Variants in KLRD1 observed in about 807,000 individuals in gnomAD.
KLRD1 encodes killer cell lectin like receptor D1.
In KLRD1, 21 loss-of-function variants were observed where a neutral mutation model predicts 22.6. The observed-to-expected ratio is 0.93, with a 90% CI of 0.66 to 1.34. The LOEUF (loss-of-function observed/expected upper bound fraction) is 1.34, where lower values mean the gene tolerates loss of function less well. Ranked by LOEUF, KLRD1 falls within the 40% of genes most tolerant of loss-of-function variation. The probability of loss-of-function intolerance (pLI) is 0.00; values close to 1 mark genes in which losing one functional copy is unlikely to be tolerated. For synonymous variants in KLRD1, 59 were observed against 71.1 expected, an observed-to-expected ratio of 0.83 and a Z score of 0.85; for missense variants, 183 against 208.6, an observed-to-expected ratio of 0.88 and a Z score of 0.76.
intron 1 of KLRD1, among the ~76,000 whole-genome samples, chr12:10,248,278 C>T (rs1313750326): frequency 6.6e-6 from 1 of 151,712 alleles, no homozygotes; most frequent in Non-Finnish European, 1.5e-5. Context: ...AAGAAATCAC[C>T]ATCAAAAAAC....
At chr12:10,284,739 C>T (rs1949683488) in intron 1 of KLRD1, among the ~76,000 whole-genome samples, 1 of 152,122 alleles carries the variant, frequency 6.6e-6, no homozygotes, top group African/African-American at 2.4e-5. Flanking sequence ...AATCCCAGCA[C>T]TTTGGGAGGC....
chr12:10,311,458 T>C lies in KLRD1; in HGVS notation c.164-6T>C. On this transcript the variant is annotated splice_region_variant and splice_polypyrimidine_tract_variant and intron_variant, in intron 3 of 5. Transcript: ENST00000336164. ...GTCATTAGTCATGCTTTATGTTTTC[T>C]GTCAGACTCTGACTGCTGTTCTTGC... is the stretch of plus-strand genomic sequence containing the variant. 1 of 1,611,014 alleles carries C rather than the reference T, an allele frequency of 6.2e-7. No homozygotes were observed. The highest frequency in any genetic ancestry group is 1.7e-4 in the Middle Eastern group (1 of 6,046).
rs566563558 is a variant in KLRD1, at chr12:10,273,874, T to A, written c.-100-34104T>A. Among the ~76,000 whole-genome samples the A allele has an allele frequency of 5.3e-5, 8 of 152,148 alleles. No homozygotes were observed. In the South Asian group the frequency reaches 1.7e-3, roughly 32 times the overall value. ...AGATGTAAGATCAGGCAAGGACAAG[T>A]AGAAAGCATAAATTTATGTAAATTA... On this transcript the variant is annotated intron_variant, in intron 1 of 5. Transcript: ENST00000544747.
chr12:10,275,024 G>C (rs1949580582), intron 1 of KLRD1, among the ~76,000 whole-genome samples: 1 of 152,016 alleles, frequency 6.6e-6, no homozygotes, highest in South Asian at 2.1e-4. Flanking sequence ...TGAGTAGCTG[G>C]GATTACAGGC....
In KLRD1 at chr12:10,315,571, G is replaced by A. The variant is rs1304905939; in HGVS notation, c.*778G>A. ...ATTGCACTTTCTGGAGATTTGTAAT[G>A]TTTTGGTTTTGTTGTCCATGTGACT... On this transcript the variant is annotated 3_prime_UTR_variant, in exon 6 of 6. Coordinates refer to ENST00000336164, the MANE Select transcript of KLRD1 (RefSeq NM_002262.5). The A allele has an allele frequency of 6.5e-6, 1 of 153,912 alleles. No individual in the cohort carries two copies. Among genetic ancestry groups the A allele is most frequent in the Non-Finnish European group, 1.4e-5 (1 of 69,156 alleles). 9.5% of individuals were successfully genotyped at this position (153,912 alleles called of 1,614,324 possible). A position where few individuals can be genotyped will look rare whatever the true frequency, so the allele number is the denominator to read the frequency against.
chr12:10,290,844 C>T (rs367805872), intron 1 of KLRD1, among the ~76,000 whole-genome samples: 1 of 151,216 alleles, frequency 6.6e-6, no homozygotes, highest in East Asian at 1.9e-4. Context: ...TATATATATA[C>T]ACAAATACAC....
rs117994006 is a variant in KLRD1, at chr12:10,309,918, G to A, written c.163+230G>A. ...AATCAGGAAAATAGTAGCCTGAAAC[G>A]AAAGATATGTTTCCTATATGAGTGC... On this transcript the variant is annotated intron_variant, in intron 3 of 5. Transcript: ENST00000336164. 4.2e-3 allele frequency among the ~76,000 whole-genome samples: 642 copies of A among 152,206 alleles called. 2 individuals carry two copies. The highest frequency in any genetic ancestry group is 7.5e-3 in the Admixed American group (115 of 15,298).
At chr12:10,310,479 A>G (rs1168403445) in intron 3 of KLRD1, among the ~76,000 whole-genome samples, 2 of 152,150 alleles carry the variant, frequency 1.3e-5, no homozygotes, top group Non-Finnish European at 2.9e-5. Flanking sequence ...TCTCACCATC[A>G]TCTTGATTAT....
intron 1 of KLRD1, chr12:10,308,467 A>G: frequency 4.5e-6 from 1 of 224,414 alleles, no homozygotes; most frequent in African/African-American, 2.3e-5. Context: ...ACATCCAAAA[A>G]TTACACAAAT....
chr12:10,244,740 G>A (rs574903808), intron 1 of KLRD1, among the ~76,000 whole-genome samples: 21 of 152,074 alleles, frequency 1.4e-4, no homozygotes, highest in African/African-American at 4.6e-4. Context: ...CCAAGATCAC[G>A]CCACTGCACT....
chr12:10,310,760 G>A (rs1300131992), intron 3 of KLRD1, among the ~76,000 whole-genome samples: 1 of 152,086 alleles, frequency 6.6e-6, no homozygotes, highest in Admixed American at 6.5e-5. Context: ...ACTCCAGCCT[G>A]GGCAACACAG....
chr12:10,306,644 G>A (rs1028148150), upstream of KLRD1, among the ~76,000 whole-genome samples: 8 of 152,120 alleles, frequency 5.3e-5, no homozygotes, highest in Non-Finnish European at 8.8e-5. Context: ...AAAATGAATA[G>A]ATTTCAAGTA....
intron 1 of KLRD1, among the ~76,000 whole-genome samples, chr12:10,278,584 C>G (rs1251477706): frequency 6.6e-6 from 1 of 152,156 alleles, no homozygotes; most frequent in Non-Finnish European, 1.5e-5. Context: ...TATTTATTTT[C>G]TGACCTATTG....
upstream of KLRD1, among the ~76,000 whole-genome samples, chr12:10,303,985 T>C (rs1187292419): frequency 1.3e-5 from 2 of 152,208 alleles, no homozygotes; most frequent in Admixed American, 6.5e-5. Context: ...TTTGCTTCTA[T>C]ACATGTAATT....
At chr12:10,270,142 A>C (rs909018769) in intron 1 of KLRD1, among the ~76,000 whole-genome samples, 5 of 152,188 alleles carry the variant, frequency 3.3e-5, no homozygotes, top group African/African-American at 1.2e-4. Context: ...TTTCTATCAA[A>C]CCACTCAGCT....
At chr12:10,306,034 T>C (rs982546212), upstream of KLRD1, among the ~76,000 whole-genome samples, 10 of 149,614 alleles carry the variant, frequency 6.7e-5, no homozygotes, top group African/African-American at 2.4e-4. Context: ...CTGGGCGTGG[T>C]GGCGGGAGCC....
chr12:10,249,210 G>A (rs1436376656), intron 1 of KLRD1, among the ~76,000 whole-genome samples: 1 of 152,140 alleles, frequency 6.6e-6, no homozygotes, highest in Non-Finnish European at 1.5e-5. Context: ...GGACAGGGGA[G>A]TTGCTAACAT....
At chr12:10,258,795 T>A (rs1949422610) in intron 1 of KLRD1, among the ~76,000 whole-genome samples, 1 of 152,168 alleles carries the variant, frequency 6.6e-6, no homozygotes. Flanking sequence ...AGACTCTTAA[T>A]ATGACTTCTT....
At chr12:10,272,814 G>A (rs1949561807) in intron 1 of KLRD1, among the ~76,000 whole-genome samples, 1 of 152,084 alleles carries the variant, frequency 6.6e-6, no homozygotes, top group African/African-American at 2.4e-5. Context: ...TATGTATGAT[G>A]AACCACTTTT....
Sources: gnomAD v4.1 joint callset for allele counts (sites outside exome capture counted in the v4.1 genomes callset) on GRCh38, gnomAD v4.1.1 for gene constraint, MANE v1.5 for transcripts, NCBI Gene and HGNC (gene_info 2026-07-23, HGNC 2026-07-21) for gene names.